Variants in THSD4 observed in about 807,000 individuals in gnomAD.
The protein encoded by THSD4 is thrombospondin type-1 domain-containing protein 4.
THSD4 carries 69 observed loss-of-function variants against 119.0 expected under a neutral mutation model. That is an observed-to-expected ratio of 0.58 (90% confidence interval 0.48 to 0.71). THSD4 has a LOEUF of 0.71. Among genes scored for constraint, THSD4 ranks in the 30% least tolerant of loss-of-function variants. The probability of loss-of-function intolerance (pLI) is 0.00; values close to 1 mark genes in which losing one functional copy is unlikely to be tolerated. For missense variants in THSD4, 1,393 were observed against 1,391.1 expected (o/e 1.00, Z -0.02); for synonymous variants, 524 against 540.4 (o/e 0.97, Z 0.42).
At chr15:71,335,578 T>C (rs750775860) in intron 6 of THSD4, among the ~76,000 whole-genome samples, 16 of 152,142 alleles carry the variant, frequency 1.1e-4, no homozygotes, top group Non-Finnish European at 1.9e-4. Flanking sequence ...GTGATGTCTG[T>C]CACGGGTGCG....
intron 7 of THSD4, among the ~76,000 whole-genome samples, chr15:71,596,972 G>A (rs989205255): frequency 6.6e-6 from 1 of 152,196 alleles, no homozygotes. Flanking sequence ...TTAGGGAACA[G>A]GGCTGGGTGA....
At chr15:71,771,324 T>C (rs2053819861) in intron 17 of THSD4, 116 bp downstream of exon 17, 4 of 1,336,100 alleles carry the variant, frequency 3.0e-6, no homozygotes, top group Middle Eastern at 3.8e-4. Flanking sequence ...CACACAGTCA[T>C]GGAGTTCAGA....
intron 7 of THSD4, among the ~76,000 whole-genome samples, chr15:71,543,690 C>G (rs1196187482): frequency 6.6e-6 from 1 of 152,166 alleles, no homozygotes; most frequent in East Asian, 1.9e-4. Flanking sequence ...GGTATATCGA[C>G]CTACAGGTCA....
intron 1 of THSD4, among the ~76,000 whole-genome samples, chr15:71,119,383 G>T (rs1000697090): frequency 1.3e-5 from 2 of 152,196 alleles, no homozygotes; most frequent in Non-Finnish European, 2.9e-5. Context: ...CAGGTTTGGG[G>T]ACCACTGCCC....
At chr15:71,599,031 C>CT (rs1446707919) in intron 7 of THSD4, among the ~76,000 whole-genome samples, 2 of 152,140 alleles carry the variant, frequency 1.3e-5, no homozygotes, top group Non-Finnish European at 2.9e-5. Flanking sequence ...TTGCTCCGAC[C>CT]TTTTTTCCCC....
intron 7 of THSD4, among the ~76,000 whole-genome samples, chr15:71,412,394 G>A (rs1038146765): frequency 6.6e-6 from 1 of 152,200 alleles, no homozygotes; most frequent in Admixed American, 6.5e-5. Flanking sequence ...GAGAATCCTT[G>A]TGGGATGCTC....
At chr15:71,492,472 G>T (rs913529612) in intron 7 of THSD4, among the ~76,000 whole-genome samples, 1 of 151,846 alleles carries the variant, frequency 6.6e-6, no homozygotes, top group Non-Finnish European at 1.5e-5. Context: ...TTTAATAGAG[G>T]GGGGGAGTTT....
chr15:71,629,176 T>C lies in THSD4; in HGVS notation c.1153-31354T>C, dbSNP rs73445748. Reference sequence around the variant, plus strand: ...CAATGTAGTGGAACGGCCAGAAAACTCATGGGGGCTCCCTCTGCATGAACA... The same window carrying C: ...CAATGTAGTGGAACGGCCAGAAAACCCATGGGGGCTCCCTCTGCATGAACA... On this transcript the variant is annotated intron_variant, in intron 7 of 17. Coordinates refer to ENST00000261862, the MANE Select transcript of THSD4 (RefSeq NM_024817.3). 2.1e-3 allele frequency among the ~76,000 whole-genome samples: 315 copies of C among 152,200 alleles called. 2 individuals carry two copies. Among genetic ancestry groups the C allele is most frequent in the African/African-American group, 7.3e-3 (303 of 41,548 alleles).
At chr15:71,598,539 A>C (rs985593925) in intron 7 of THSD4, among the ~76,000 whole-genome samples, 3 of 152,104 alleles carry the variant, frequency 2.0e-5, no homozygotes, top group African/African-American at 7.2e-5. Flanking sequence ...ATTCCCTGCT[A>C]CACTCTCTTT....
At chr15:71,694,900 A>C (rs937743610) in intron 8 of THSD4, among the ~76,000 whole-genome samples, 1 of 152,042 alleles carries the variant, frequency 6.6e-6, no homozygotes, top group Non-Finnish European at 1.5e-5. Flanking sequence ...GGCCACCAGG[A>C]TGGTCCTAAG....
chr15:71,693,836 G>A lies in THSD4; in HGVS notation c.1357+33102G>A, dbSNP rs556933482. Among the ~76,000 whole-genome samples the A allele has an allele frequency of 2.6e-5, 4 of 152,180 alleles. No individual in the cohort carries two copies. The South Asian group carries it at 8.3e-4, about 32-fold the overall frequency. On this transcript the variant is annotated intron_variant, in intron 8 of 17. Coordinates refer to ENST00000261862, the MANE Select transcript of THSD4 (RefSeq NM_024817.3). ...CTGCCACCATGTAAGACATCCCTTT[G>A]CTCTTCCTTCATCTCCTGCCATGAT...
chr15:71,742,450 G>A (rs1045065515), intron 11 of THSD4, among the ~76,000 whole-genome samples: 9 of 152,086 alleles, frequency 5.9e-5, no homozygotes, highest in African/African-American at 1.9e-4. Context: ...CTCTACACTA[G>A]CCCCTGAATT....
chr15:71,676,916 A>G (rs1002279911), intron 8 of THSD4, among the ~76,000 whole-genome samples: 2 of 152,210 alleles, frequency 1.3e-5, no homozygotes, highest in Admixed American at 1.3e-4. Flanking sequence ...GAACATTGGC[A>G]TACAACTACC....
At chr15:71,362,661 A>G (rs1017125718) in intron 6 of THSD4, among the ~76,000 whole-genome samples, 2 of 152,178 alleles carry the variant, frequency 1.3e-5, no homozygotes, top group South Asian at 4.1e-4. Flanking sequence ...AAAAAGAAAA[A>G]TTGCAATAAA....
intron 7 of THSD4, among the ~76,000 whole-genome samples, chr15:71,442,660 G>GTATATATATATATATATATA (rs71154772): frequency 3.9e-5 from 1 of 25,818 alleles, no homozygotes. Flanking sequence ...GTGTGTGTGT[G>GTATATATATATATATATATA]TATATATATA....
At chr15:71,488,800 C>T (rs933990363) in intron 7 of THSD4, among the ~76,000 whole-genome samples, 3 of 152,130 alleles carry the variant, frequency 2.0e-5, no homozygotes, top group Non-Finnish European at 4.4e-5. Context: ...GCCCCTTTCC[C>T]GATTAAGTTA....
chr15:71,427,241 A>ACACTGGGCCAGGCACTGGGCAAGG (rs2046882754), intron 7 of THSD4, among the ~76,000 whole-genome samples: 1 of 149,600 alleles, frequency 6.7e-6, no homozygotes, highest in African/African-American at 2.5e-5. Context: ...TCACTGCCAT[A>ACACTGGGCCAGGCACTGGGCAAGG]CACTGGGCAA....
intron 14 of THSD4, among the ~76,000 whole-genome samples, chr15:71,754,042 A>G (rs560783415): frequency 6.6e-6 from 1 of 152,148 alleles, no homozygotes; most frequent in African/African-American, 2.4e-5. Flanking sequence ...AAGGGTTGGA[A>G]ACATGAAGAT....
At chr15:71,693,697 A>C (rs903060225) in intron 8 of THSD4, among the ~76,000 whole-genome samples, 3 of 152,146 alleles carry the variant, frequency 2.0e-5, no homozygotes, top group Non-Finnish European at 2.9e-5. Flanking sequence ...GTGGGAGATA[A>C]TTGAATCATG....
Sources: allele counts gnomAD v4.1 joint callset (sites outside exome capture counted in the v4.1 genomes callset), GRCh38; gene constraint gnomAD v4.1.1; transcripts MANE v1.5; gene names NCBI Gene and HGNC (gene_info 2026-07-23, HGNC 2026-07-21).